The following IFI16 variants were observed in gnomAD, a reference collection of about 807,000 sequenced individuals.
The protein encoded by IFI16 is interferon gamma inducible protein 16, also known as gamma-interferon-inducible protein 16.
IFI16 carries 49 observed loss-of-function variants against 68.4 expected under a neutral mutation model. That is an observed-to-expected ratio of 0.72 (90% CI 0.57 to 0.91). IFI16 has a LOEUF of 0.91. IFI16 is among the 40% of genes least tolerant of loss of function. IFI16 has a pLI of 0.00. For synonymous variants in IFI16, 307 were observed against 315.0 expected (o/e 0.97, Z 0.27); for missense variants, 878 against 942.9 (o/e 0.93, Z 0.90).
upstream of IFI16, among the ~76,000 whole-genome samples, chr1:159,001,172 C>T (rs1200512618): frequency 6.6e-6 from 1 of 151,948 alleles, no homozygotes; most frequent in African/African-American, 2.4e-5. Flanking sequence ...TTGTACAGCC[C>T]ATGTGAAAAA....
chr1:159,036,588 A>G (rs1235062239), intron 7 of IFI16, among the ~76,000 whole-genome samples: 1 of 152,198 alleles, frequency 6.6e-6, no homozygotes, highest in Non-Finnish European at 1.5e-5. Flanking sequence ...ACTGTCTCAT[A>G]TATTTACACA....
chr1:159,029,726 G>T (rs1308898976), intron 6 of IFI16, among the ~76,000 whole-genome samples: 2 of 148,756 alleles, frequency 1.3e-5, no homozygotes, highest in Non-Finnish European at 3.0e-5. Flanking sequence ...TGTTGCCCAG[G>T]CTGGAGTGCA....
chr1:159,007,721 C>T (rs1221045007), upstream of IFI16, among the ~76,000 whole-genome samples: 2 of 152,050 alleles, frequency 1.3e-5, no homozygotes, highest in African/African-American at 4.8e-5. Context: ...CTCTCTCTCT[C>T]AACACTAGGT....
chr1:159,043,757 G>A (rs1322968479), intron 7 of IFI16, among the ~76,000 whole-genome samples: 1 of 152,088 alleles, frequency 6.6e-6, no homozygotes, highest in Non-Finnish European at 1.5e-5. Context: ...TTTATTCTGA[G>A]GGAAAACAAA....
At chr1:159,023,626 CTT>C (rs894845031) in intron 6 of IFI16, among the ~76,000 whole-genome samples, 3 of 146,222 alleles carry the variant, frequency 2.1e-5, no homozygotes, top group African/African-American at 5.0e-5. Context: ...TTGTTTTTAC[CTT>C]TTTTTTTTTA....
At chr1:159,010,325 ATTTAC>A (rs2101791606) in intron 1 of IFI16, among the ~76,000 whole-genome samples, 164 bp downstream of exon 1, 1 of 152,296 alleles carries the variant, frequency 6.6e-6, no homozygotes, top group East Asian at 1.9e-4. Context: ...TGAATCCTTC[ATTTAC>A]TTAGGAAGAT....
At chr1:159,014,426 C>G (rs1376054567) in intron 1 of IFI16, among the ~76,000 whole-genome samples, 1 of 151,594 alleles carries the variant, frequency 6.6e-6, no homozygotes, top group African/African-American at 2.4e-5. Flanking sequence ...AGACCTCCCT[C>G]TAACAACTGG....
At chr1:159,033,359 G>C (rs754485949) in intron 7 of IFI16, among the ~76,000 whole-genome samples, 10 of 152,162 alleles carry the variant, frequency 6.6e-5, no homozygotes, top group Non-Finnish European at 1.0e-4. Flanking sequence ...CTTGATCTGA[G>C]GTTTTCCTTA....
At chr1:159,048,964 A>G (rs372491268) in intron 8 of IFI16, among the ~76,000 whole-genome samples, 6 of 151,564 alleles carry the variant, frequency 4.0e-5, no homozygotes, top group Admixed American at 3.3e-4. Context: ...TCTTCCTGTT[A>G]TGGCTACGAT....
chr1:159,018,677 C>T (rs768284941), intron 5 of IFI16, 26 bp downstream of exon 5: 1 of 1,484,052 alleles, frequency 6.7e-7, no homozygotes, highest in South Asian at 1.2e-5. Flanking sequence ...TGTTTCGTTT[C>T]ATTTTTCCAC....
rs897523564 is a variant in IFI16 at position 159,014,894 on chromosome 1, A to G, written c.214A>G (p.Ile72Val). Residue 72 changes from isoleucine to valine, a missense_variant, in exon 2 of 12, where the codon ATA (isoleucine) becomes GTA (valine). Transcript: ENST00000295809. ...LGKLIKIFED[I>V]PTLEDLAETL... is the part of the protein sequence containing the mutation. ...CAAACTAATAAAAATTTTCGAAGAT[A>G]TACCAACGCTTGAAGACCTGGCTGA... is the stretch of plus-strand genomic sequence containing the variant. 2 of 1,613,412 alleles carry G rather than the reference A, an allele frequency of 1.2e-6. No individual in the cohort carries two copies. Among genetic ancestry groups the G allele is most frequent in the Admixed American group, 1.7e-5 (1 of 59,866 alleles).
chr1:159,025,310 C>CAGG (rs1653591388), intron 6 of IFI16, among the ~76,000 whole-genome samples: 1 of 152,040 alleles, frequency 6.6e-6, no homozygotes, highest in Non-Finnish European at 1.5e-5. Flanking sequence ...TGTGACTTAC[C>CAGG]TGGCCACCCT....
chr1:159,015,832 T>G (rs768754056), intron 2 of IFI16, 40 bp from the exon 3 acceptor site: 1 of 1,462,056 alleles, frequency 6.8e-7, no homozygotes, highest in Admixed American at 1.7e-5. Flanking sequence ...TGTCTTCCTT[T>G]TTTCTGCATT....
At chr1:159,019,355 G>A (rs1653146130) in intron 5 of IFI16, among the ~76,000 whole-genome samples, 1 of 151,532 alleles carries the variant, frequency 6.6e-6, no homozygotes, top group African/African-American at 2.4e-5. Flanking sequence ...CCGCAAAAAA[G>A]CATCTATCCT....
At chr1:159,052,307 G>T in intron 10 of IFI16, 1 of 555,896 alleles carries the variant, frequency 1.8e-6, no homozygotes, top group Non-Finnish European at 3.2e-6. Context: ...GTATCATCAT[G>T]CAAGTTATTT....
Position 159,050,780 on chromosome 1 carries a change from G to A in IFI16, c.1666-899G>A, listed in dbSNP as rs542065120. Among the ~76,000 whole-genome samples the A allele has an allele frequency of 1.1e-4, 17 of 152,028 alleles. No homozygotes were observed. In the East Asian group the frequency reaches 1.2e-3, roughly 10 times the overall value. On this transcript the variant is annotated intron_variant, in intron 9 of 11. Transcript: ENST00000295809. ...AGTCCCCTCCCGCCTAATTTTTCAC[G>A]TCCATGACTCTTTTTAGTTCCTGCC...
At chr1:159,049,351 A>G in intron 8 of IFI16, 81 bp from the exon 9 acceptor site, 1 of 730,156 alleles carries the variant, frequency 1.4e-6, no homozygotes. Context: ...TATTTAAAAA[A>G]GAAAAAAGGA....
At chr1:159,036,846 C>A (rs762609972) in intron 7 of IFI16, among the ~76,000 whole-genome samples, 1 of 152,190 alleles carries the variant, frequency 6.6e-6, no homozygotes, top group Non-Finnish European at 1.5e-5. Context: ...ACTGTGACCA[C>A]ACAGTTTTCT....
Position 159,020,458 on chromosome 1 carries a change from C to G in IFI16, c.1090C>G (p.Leu364Val). The change falls in exon 6 of 12, where the codon CTT becomes GTT. Residue 364 changes from leucine (L) to valine (V), a missense_variant. By Grantham distance (32) the Leu-to-Val change is conservative. Transcript: ENST00000295809. ...CTGTGAAGAAGGAGATAAGCTCCAA[C>G]TTTTCTGCTTTCGACTTAGAAAAAA... is the stretch of plus-strand genomic sequence containing the variant. ...IPCEEGDKLQ[L>V]FCFRLRKKNQ... 1.9e-6 allele frequency: 3 copies of G among 1,613,442 alleles called. No homozygotes were observed. The highest frequency in any genetic ancestry group is 2.5e-6 in the Non-Finnish European group (3 of 1,179,502).
Sources: gnomAD v4.1 joint callset for allele counts (sites outside exome capture counted in the v4.1 genomes callset) on GRCh38, gnomAD v4.1.1 for gene constraint, MANE v1.5 for transcripts, NCBI Gene and HGNC (gene_info 2026-07-23, HGNC 2026-07-21) for gene names.